PTPRO: variants seen among roughly 807,000 people sequenced by gnomAD.
PTPRO encodes the protein protein tyrosine phosphatase receptor type O.
Under a neutral mutation model 145.2 loss-of-function variants are expected in PTPRO, and 62 were observed. That is an observed-to-expected ratio of 0.43 (90% confidence interval 0.35 to 0.53). The LOEUF is 0.53. Ranked by LOEUF, PTPRO falls within the 20% of genes least tolerant of loss-of-function variation. PTPRO has a pLI of 0.01. For missense variants in PTPRO, 1,345 were observed against 1,482.7 expected, an observed-to-expected ratio of 0.91 and a Z score of 1.53; for synonymous variants, 565 against 514.7, an observed-to-expected ratio of 1.10 and a Z score of -1.32.
At chr12:15,591,628 A>G (rs1345816246) in intron 25 of PTPRO, among the ~76,000 whole-genome samples, 4 of 152,092 alleles carry the variant, frequency 2.6e-5, no homozygotes, top group Admixed American at 1.3e-4. Context: ...TTATGTTGAT[A>G]TCTCCGCGGA....
intron 1 of PTPRO, among the ~76,000 whole-genome samples, chr12:15,385,811 C>CAAAA (rs761750012): frequency 2.6e-3 from 94 of 36,724 alleles, no homozygotes; most frequent in East Asian, 4.2e-3. Context: ...GACTCCATCT[C>CAAAA]AAAAAAAAAA....
At chr12:15,390,729 T>C (rs1193703199) in intron 1 of PTPRO, among the ~76,000 whole-genome samples, 1 of 152,154 alleles carries the variant, frequency 6.6e-6, no homozygotes, top group Non-Finnish European at 1.5e-5. Flanking sequence ...GAAACATTTA[T>C]TGGAACTTAT....
At chr12:15,325,652 G>A in intron 1 of PTPRO, among the ~76,000 whole-genome samples, 1 of 152,200 alleles carries the variant, frequency 6.6e-6, no homozygotes, top group Non-Finnish European at 1.5e-5. Context: ...GAGCCTCGCT[G>A]TTGTGTGTCT....
chr12:15,521,943 G>A (rs1942729895), intron 10 of PTPRO, among the ~76,000 whole-genome samples: 1 of 152,114 alleles, frequency 6.6e-6, no homozygotes, highest in Non-Finnish European at 1.5e-5. Context: ...CTACTTACCT[G>A]GTAAGCAGTC....
intron 6 of PTPRO, among the ~76,000 whole-genome samples, chr12:15,507,909 G>A (rs184837639): frequency 3.3e-5 from 5 of 152,190 alleles, no homozygotes; most frequent in African/African-American, 1.2e-4. Context: ...AACATGTCTT[G>A]AGTCCTTACT....
chr12:15,332,772 T>C (rs989236171), intron 1 of PTPRO, among the ~76,000 whole-genome samples: 2 of 152,224 alleles, frequency 1.3e-5, no homozygotes, highest in Admixed American at 6.5e-5. Flanking sequence ...TTTGTTGTTT[T>C]GTTGATTTGG....
intron 1 of PTPRO, among the ~76,000 whole-genome samples, chr12:15,393,288 G>A (rs1939241557): frequency 6.6e-6 from 1 of 152,134 alleles, no homozygotes; most frequent in Non-Finnish European, 1.5e-5. Context: ...TAGTCACAGG[G>A]AAGCAAATGA....
chr12:15,487,109 T>A (rs142521423), intron 2 of PTPRO, among the ~76,000 whole-genome samples: 1 of 152,260 alleles, frequency 6.6e-6, no homozygotes, highest in Admixed American at 6.5e-5. Context: ...AATAGACTGC[T>A]GTTGCTTTTC....
At chr12:15,513,390 A>G (rs1239658540) in intron 7 of PTPRO, among the ~76,000 whole-genome samples, 3 of 152,194 alleles carry the variant, frequency 2.0e-5, no homozygotes, top group Admixed American at 2.0e-4. Context: ...AACTTGTGCA[A>G]GAAACCCTGA....
intron 1 of PTPRO, among the ~76,000 whole-genome samples, chr12:15,444,274 G>A (rs901526903): frequency 6.6e-6 from 1 of 151,976 alleles, no homozygotes; most frequent in East Asian, 1.9e-4. Flanking sequence ...ATAAGTGGCA[G>A]ATAAACATCC....
At chr12:15,554,196 A>T (rs1253919350) in intron 15 of PTPRO, among the ~76,000 whole-genome samples, 2 of 152,150 alleles carry the variant, frequency 1.3e-5, no homozygotes, top group Non-Finnish European at 2.9e-5. Context: ...TAAACAAAAA[A>T]AGAGAGTTGA....
chr12:15,467,726 G>A (rs777168915), intron 1 of PTPRO, among the ~76,000 whole-genome samples: 3 of 152,116 alleles, frequency 2.0e-5, no homozygotes, highest in Non-Finnish European at 4.4e-5. Flanking sequence ...TTAATTTGGT[G>A]TAAACATTCA....
intron 1 of PTPRO, among the ~76,000 whole-genome samples, chr12:15,452,713 T>C (rs1168938496): frequency 6.6e-6 from 1 of 152,076 alleles, no homozygotes; most frequent in Admixed American, 6.6e-5. Context: ...CAATAAATGT[T>C]TTACACTACA....
chr12:15,524,701 T>C, intron 10 of PTPRO, 113 bp from the exon 11 acceptor site: 2 of 1,135,358 alleles, frequency 1.8e-6, no homozygotes, highest in Non-Finnish European at 2.6e-6. Flanking sequence ...GACTATCGTG[T>C]GCTGTGAATT....
intron 2 of PTPRO, among the ~76,000 whole-genome samples, chr12:15,489,473 G>A (rs1941956001): frequency 3.9e-5 from 6 of 152,170 alleles, no homozygotes; most frequent in East Asian, 1.9e-4. Flanking sequence ...GACAGTTCCC[G>A]GAACTGAGGG....
rs1417036184 is a variant in PTPRO, at chr12:15,515,543, C to T, written c.1510C>T (p.Gln504Ter). Residue 504 changes from glutamine (Q) to a stop codon, truncating the protein, a stop_gained, in exon 8 of 27, where the codon CAG becomes TAG. Transcript: ENST00000281171. LOFTEE classifies it high-confidence loss of function. ...TATTGAAAATCTGGTTCCTGGTGCCCAGTACCAGGTTGTAATATACCTAAG... is the reference window on the plus strand; with the variant it reads ...TATTGAAAATCTGGTTCCTGGTGCCTAGTACCAGGTTGTAATATACCTAAG... ...PIIENLVPGA[Q>*]YQVVIYLRKG... The T allele has an allele frequency of 1.9e-6, 3 of 1,613,452 alleles. No individual in the cohort carries two copies. Among genetic ancestry groups the T allele is most frequent in the Non-Finnish European group, 2.5e-6 (3 of 1,179,500 alleles).
chr12:15,476,791 G>C (rs1177386408), intron 1 of PTPRO, among the ~76,000 whole-genome samples: 4 of 149,672 alleles, frequency 2.7e-5, no homozygotes, highest in East Asian at 2.0e-4. Flanking sequence ...CAAATCAAAA[G>C]CACTATGAGA....
chr12:15,390,544 G>A (rs954207413), intron 1 of PTPRO, among the ~76,000 whole-genome samples: 3 of 152,014 alleles, frequency 2.0e-5, no homozygotes, highest in Admixed American at 6.5e-5. Flanking sequence ...CCCACAACAC[G>A]CGGGAATTAT....
chr12:15,440,441 GA>G lies in PTPRO; in HGVS notation c.76-43524del, dbSNP rs112575285. 2.7e-4 allele frequency: 62 copies of G among 225,766 alleles called. 1 individual carries two copies. The highest frequency in any genetic ancestry group is 5.2e-4 in the East Asian group (4 of 7,676). 14.0% of individuals were successfully genotyped at this position (225,766 alleles called of 1,614,324 possible). A position where few individuals can be genotyped will look rare whatever the true frequency, so the allele number is the denominator to read the frequency against. The stretch of plus-strand genomic sequence containing the variant: ...AAGAAAAATAAAGTGAATTAAGCCT[GA>G]AAAAAAAATACAAGGCTCATCAGTC... On this transcript the variant is annotated intron_variant, in intron 1 of 26. Transcript: ENST00000281171.
Sources: allele counts gnomAD v4.1 joint callset (sites outside exome capture counted in the v4.1 genomes callset), GRCh38; gene constraint gnomAD v4.1.1; transcripts MANE v1.5; gene names NCBI Gene and HGNC (gene_info 2026-07-23, HGNC 2026-07-21).